NOS1: variants seen among roughly 807,000 people sequenced by gnomAD.
The protein encoded by NOS1 is nitric oxide synthase 1, also known as NOS type I.
In NOS1, 51 loss-of-function variants were observed where a neutral mutation model predicts 164.5. That is an observed-to-expected ratio of 0.31 (90% CI 0.25 to 0.39). NOS1 has a LOEUF of 0.39. Among genes scored for constraint, NOS1 ranks in the 10% least tolerant of loss-of-function variants. The probability of loss-of-function intolerance (pLI) is 1.00; values close to 1 mark genes in which losing one functional copy is unlikely to be tolerated. For synonymous variants in NOS1, 719 were observed against 745.8 expected (o/e 0.96, Z 0.59); for missense variants, 1,362 against 1,885.6 (o/e 0.72, Z 5.14).
At chr12:117,294,008 G>C (rs1174197393) in intron 3 of NOS1, among the ~76,000 whole-genome samples, 1 of 152,130 alleles carries the variant, frequency 6.6e-6, no homozygotes, top group Non-Finnish European at 1.5e-5. Flanking sequence ...AGTCACATCT[G>C]GGCAGGGCTT....
At chr12:117,296,427 C>A (rs575222200) in intron 3 of NOS1, among the ~76,000 whole-genome samples, 10 of 152,270 alleles carry the variant, frequency 6.6e-5, no homozygotes, top group African/African-American at 2.4e-4. Flanking sequence ...TAATTAGCTG[C>A]CAGTGCAGCC....
intron 3 of NOS1, among the ~76,000 whole-genome samples, chr12:117,294,421 C>T (rs1873278709): frequency 6.6e-6 from 1 of 152,108 alleles, no homozygotes; most frequent in Non-Finnish European, 1.5e-5. Context: ...CGTTACGAGT[C>T]AAGTAATTGG....
intron 21 of NOS1, among the ~76,000 whole-genome samples, chr12:117,233,926 T>C (rs1437444283): frequency 1.3e-5 from 2 of 151,864 alleles, no homozygotes; most frequent in East Asian, 3.9e-4. Flanking sequence ...CTTTACATCC[T>C]AGCTCTTTTG....
chr12:117,233,994 T>C (rs796828766), intron 21 of NOS1, among the ~76,000 whole-genome samples: 7 of 152,266 alleles, frequency 4.6e-5, no homozygotes, highest in African/African-American at 1.7e-4. Flanking sequence ...TCCTTGTACC[T>C]GACTCCTGAG....
At chr12:117,253,488 A>G in intron 17 of NOS1, 150 bp downstream of exon 17, 1 of 645,360 alleles carries the variant, frequency 1.5e-6, no homozygotes, top group Non-Finnish European at 2.8e-6. Context: ...AATGGGTGGG[A>G]GGGGTCCCAG....
Position 117,272,881 on chromosome 12 carries a change from C to G in NOS1, c.1665-322G>C, listed in dbSNP as rs1412075257. On this transcript the variant is annotated intron_variant, in intron 9 of 28. Coordinates refer to ENST00000317775, the MANE Select transcript of NOS1 (RefSeq NM_000620.5). The surrounding 1 kb of genome is among the most constrained non-coding windows in gnomAD (Gnocchi z 4.3). ...GGGGACCTCTCTCCCCCTTCCCCGA[C>G]TGAGCACCCTCCTACCCTCAGGGCC... 6.6e-6 allele frequency among the ~76,000 whole-genome samples: 1 copy of G among 152,246 alleles called. No homozygotes were observed. The highest frequency in any genetic ancestry group is 1.5e-5 in the Non-Finnish European group (1 of 68,052).
chr12:117,260,451 TA>T lies in NOS1; in HGVS notation c.2367+13del, dbSNP rs775995356. ...CATGAGAAGCTGGTGGAGCTAGGGC[TA>T]CCCCCCACCTACCTTGGCATCAAAG... On this transcript the variant is annotated intron_variant, in intron 14 of 28. Transcript: ENST00000317775. 10 of 1,612,510 alleles carry T rather than the reference TA, an allele frequency of 6.2e-6. No individual in the cohort carries two copies. Among genetic ancestry groups the T allele is most frequent in the Non-Finnish European group, 8.5e-6 (10 of 1,178,620 alleles).
At position 117,303,284 on chromosome 12, in the gene NOS1, C is replaced by T. The variant is rs560069330; in HGVS notation, c.852+8182G>A. 3.3e-5 allele frequency among the ~76,000 whole-genome samples: 5 copies of T among 152,254 alleles called. No homozygotes were observed. In the East Asian group the frequency reaches 5.8e-4, roughly 18 times the overall value. ...CCTAAAGATTGGGAAAGAAACGGCC[C>T]GCAAGCCTGTCCCCCACCTTTCTCA... is the stretch of plus-strand genomic sequence containing the variant. On this transcript the variant is annotated intron_variant, in intron 3 of 28. Transcript: ENST00000317775.
chr12:117,270,899 C>T (rs1872744247), intron 10 of NOS1, among the ~76,000 whole-genome samples: 1 of 151,894 alleles, frequency 6.6e-6, no homozygotes, highest in South Asian at 2.1e-4. Context: ...AAAAATTAGC[C>T]AGGTGTGGTG....
At chr12:117,342,576 T>G (rs1010238506) in intron 1 of NOS1, among the ~76,000 whole-genome samples, 3 of 152,098 alleles carry the variant, frequency 2.0e-5, no homozygotes, top group African/African-American at 7.2e-5. Flanking sequence ...GAAAGCCATG[T>G]CACGAGATAA....
At chr12:117,231,328 A>G (rs1208399140) in intron 22 of NOS1, among the ~76,000 whole-genome samples, 11 of 152,006 alleles carry the variant, frequency 7.2e-5, no homozygotes, top group African/African-American at 2.7e-4. Flanking sequence ...AGAGAAAAAA[A>G]AAAAGAATAA....
intron 1 of NOS1, among the ~76,000 whole-genome samples, chr12:117,346,125 T>C (rs1394108712): frequency 6.6e-6 from 1 of 152,208 alleles, no homozygotes; most frequent in African/African-American, 2.4e-5. Flanking sequence ...GGTGATGGCA[T>C]GGCCCATTAC....
chr12:117,269,470 T>TTG (rs1270009362), intron 10 of NOS1, among the ~76,000 whole-genome samples: 2 of 142,920 alleles, frequency 1.4e-5, no homozygotes, highest in African/African-American at 5.3e-5. Context: ...ATTTGTTTTT[T>TTG]TTTTTTTTTT....
intron 2 of NOS1, among the ~76,000 whole-genome samples, chr12:117,319,611 T>G (rs1229427275): frequency 6.6e-6 from 1 of 152,232 alleles, no homozygotes; most frequent in East Asian, 1.9e-4. Context: ...AAGATGTAGA[T>G]TCTGTGTTAA....
chr12:117,242,108 T>A (rs930938870), intron 20 of NOS1, among the ~76,000 whole-genome samples: 2 of 152,226 alleles, frequency 1.3e-5, no homozygotes, highest in African/African-American at 4.8e-5. Flanking sequence ...ATGCTTTGGT[T>A]ACATTAGATA....
At chr12:117,269,305 A>G (rs1270139841) in intron 10 of NOS1, among the ~76,000 whole-genome samples, 4 of 152,034 alleles carry the variant, frequency 2.6e-5, no homozygotes, top group East Asian at 1.9e-4. Flanking sequence ...TATCTTAGAT[A>G]TGGAAAGAAG....
chr12:117,319,875 C>T (rs1235654103), intron 2 of NOS1, among the ~76,000 whole-genome samples: 6 of 151,674 alleles, frequency 4.0e-5, no homozygotes, highest in Admixed American at 3.9e-4. Flanking sequence ...CTGGCCCTCA[C>T]AAGGAACCTG....
chr12:117,355,833 C>T (rs1876829488), intron 1 of NOS1, among the ~76,000 whole-genome samples: 2 of 152,136 alleles, frequency 1.3e-5, no homozygotes. Context: ...AATCTCGGCT[C>T]ACTGCAACCT....
chr12:117,274,483 A>G (rs977897101), intron 9 of NOS1, among the ~76,000 whole-genome samples: 1 of 152,116 alleles, frequency 6.6e-6, no homozygotes, highest in African/African-American at 2.4e-5. Flanking sequence ...AGGAAAGGAA[A>G]TCAGGCTGGG....
Sources: allele counts gnomAD v4.1 joint callset (sites outside exome capture counted in the v4.1 genomes callset), GRCh38; gene constraint gnomAD v4.1.1; non-coding constraint Gnocchi (gnomAD v3.1); transcripts MANE v1.5; gene names NCBI Gene and HGNC (gene_info 2026-07-23, HGNC 2026-07-21).